The following SPATA7 variants were observed in gnomAD, a reference collection of about 807,000 sequenced individuals.
The protein encoded by SPATA7 is spermatogenesis-associated protein 7.
In SPATA7, 43 loss-of-function variants were observed where a neutral mutation model predicts 51.8. The observed-to-expected ratio is 0.83, with a 90% CI of 0.65 to 1.07. The LOEUF (loss-of-function observed/expected upper bound fraction) is 1.07. SPATA7 is among the 50% of genes least tolerant of loss of function. The probability of loss-of-function intolerance (pLI) is 0.00; values close to 1 mark genes in which losing one functional copy is unlikely to be tolerated. For missense variants in SPATA7, 683 were observed against 701.3 expected (o/e 0.97, Z 0.30); for synonymous variants, 230 against 252.8 (o/e 0.91, Z 0.86).
chr14:88,405,825 G>C (rs890174708), intron 4 of SPATA7, among the ~76,000 whole-genome samples: 8 of 152,326 alleles, frequency 5.3e-5, no homozygotes, highest in African/African-American at 1.7e-4. Context: ...TCAGGATAGA[G>C]CTAAAAATGT....
At chr14:88,408,789 C>A (rs192785471) in intron 4 of SPATA7, among the ~76,000 whole-genome samples, 1 of 152,194 alleles carries the variant, frequency 6.6e-6, no homozygotes, top group East Asian at 1.9e-4. Context: ...TCTATCAACA[C>A]CTAGTTTATT....
At chr14:88,399,985 T>C (rs896189406) in intron 4 of SPATA7, among the ~76,000 whole-genome samples, 2 of 152,136 alleles carry the variant, frequency 1.3e-5, no homozygotes, top group African/African-American at 4.8e-5. Flanking sequence ...CCAAAGGAAT[T>C]TAACAGATAT....
At chr14:88,413,979 C>T (rs532054971) in intron 4 of SPATA7, among the ~76,000 whole-genome samples, 2 of 151,994 alleles carry the variant, frequency 1.3e-5, no homozygotes, top group African/African-American at 4.8e-5. Flanking sequence ...ATTTTTGTGT[C>T]TATGTTAATC....
At chr14:88,461,993 A>G (rs532052679) in intron 4 of SPATA7, among the ~76,000 whole-genome samples, 2 of 152,308 alleles carry the variant, frequency 1.3e-5, no homozygotes, top group South Asian at 2.1e-4. Context: ...AGTTTTTTCA[A>G]CCTGTTTGTT....
chr14:88,459,191 ATATTCTGTTGATT>A (rs576461605), downstream of SPATA7, among the ~76,000 whole-genome samples: 1 of 152,304 alleles, frequency 6.6e-6, no homozygotes, highest in East Asian at 1.9e-4. Context: ...AGAAGAATGT[ATATTCTGTTGATT>A]TGTGGTGGAG....
rs567477324 is a variant in SPATA7 at position 88,409,396 on chromosome 14, T to A, written c.239-7315T>A. 6.6e-4 allele frequency among the ~76,000 whole-genome samples: 101 copies of A among 152,328 alleles called. 1 individual carries two copies. The highest frequency in any genetic ancestry group is 2.4e-3 in the African/African-American group (98 of 41,584). ...TATTTGCATAGAGGTGTTTATAGTA[T>A]TCTCTGGTGGTAGTTTGTATTTCTG... On this transcript the variant is annotated intron_variant, in intron 4 of 11. Transcript: ENST00000393545.
In SPATA7 at chr14:88,438,390, A is replaced by C; in HGVS notation, c.1768A>C (p.Met590Leu). ...GTTATCAACTCTTAAAATCATGGAA[A>C]TGAGCATTGAGGACTGCCCTTTGGA... ...MELSTLKIMEMSIEDCPLDV is the reference protein window; with the variant it reads ...MELSTLKIMELSIEDCPLDV Residue 590 changes from methionine (M) to leucine (L), a missense_variant, in exon 12 of 12, where the codon ATG becomes CTG. Met to Leu is a conservative substitution (Grantham distance 15, BLOSUM62 2). Coordinates refer to ENST00000393545, the MANE Select transcript of SPATA7 (RefSeq NM_018418.5). The C allele has an allele frequency of 6.2e-7, 1 of 1,614,050 alleles. No individual in the cohort carries two copies. The highest frequency in any genetic ancestry group is 8.5e-7 in the Non-Finnish European group (1 of 1,179,992).
At chr14:88,445,736 G>C (rs2140041595) in intron 3 of SPATA7, among the ~76,000 whole-genome samples, 1 of 152,308 alleles carries the variant, frequency 6.6e-6, no homozygotes, top group East Asian at 1.9e-4. Context: ...TGCATCTATT[G>C]AGATAATCAT....
In SPATA7 at chr14:88,451,951, C is replaced by T. The variant is rs2077254442; in HGVS notation, c.178-3109C>T. On this transcript the variant is annotated intron_variant, in intron 3 of 3. Coordinates refer to the SPATA7 transcript ENST00000554802. ...TTAGAGATTTTGTCTTGGTTTGGAT[C>T]CACTGTTGGTGAGCTAGTGTGATCT... 2.0e-5 allele frequency among the ~76,000 whole-genome samples: 3 copies of T among 152,086 alleles called. No individual in the cohort carries two copies. The South Asian group carries it at 6.2e-4, about 32-fold the overall frequency.
chr14:88,389,484 C>T (rs1027804030), intron 1 of SPATA7, among the ~76,000 whole-genome samples: 1 of 152,150 alleles, frequency 6.6e-6, no homozygotes, highest in Non-Finnish European at 1.5e-5. Context: ...GGATTACAAG[C>T]ACGAGCCATT....
At chr14:88,433,001 C>G in intron 9 of SPATA7, 134 bp from the exon 10 acceptor site, 1 of 664,214 alleles carries the variant, frequency 1.5e-6, no homozygotes, top group South Asian at 1.9e-5. Context: ...TGTAATATTC[C>G]CCTTAGTAAT....
downstream of SPATA7, among the ~76,000 whole-genome samples, chr14:88,441,627 A>G (rs2077179327): frequency 6.6e-6 from 1 of 151,986 alleles, no homozygotes; most frequent in South Asian, 2.1e-4. Context: ...TCATATGTTT[A>G]TTGGCTATTT....
intron 4 of SPATA7, among the ~76,000 whole-genome samples, chr14:88,405,275 T>G (rs906012589): frequency 6.6e-6 from 1 of 152,156 alleles, no homozygotes; most frequent in Non-Finnish European, 1.5e-5. Context: ...ATGCAGAGAA[T>G]AAAAGGCAGT....
chr14:88,398,682 T>C (rs73321824), intron 4 of SPATA7, among the ~76,000 whole-genome samples: 5,359 of 152,184 alleles, frequency 0.035, 308 homozygotes, highest in African/African-American at 0.12. Flanking sequence ...ATTTTAAGTT[T>C]AGTGTTTTCT....
chr14:88,389,098 A>G (rs768078075), intron 1 of SPATA7, among the ~76,000 whole-genome samples: 6 of 152,160 alleles, frequency 3.9e-5, no homozygotes, highest in Non-Finnish European at 8.8e-5. Context: ...CAAAAAAACA[A>G]AAACAAAAAA....
At chr14:88,395,700 C>G (rs567910337) in intron 3 of SPATA7, among the ~76,000 whole-genome samples, 14 of 151,906 alleles carry the variant, frequency 9.2e-5, no homozygotes, top group Non-Finnish European at 1.9e-4. Context: ...TTTAATTGTC[C>G]TAGTACTTTT....
At chr14:88,464,852 A>G (rs1391475526) in intron 4 of SPATA7, among the ~76,000 whole-genome samples, 2 of 152,214 alleles carry the variant, frequency 1.3e-5, no homozygotes, top group Non-Finnish European at 2.9e-5. Flanking sequence ...TACTGTACAT[A>G]GTTGTATATT....
At chr14:88,451,876 C>T (rs996073249) in intron 3 of SPATA7, among the ~76,000 whole-genome samples, 5 of 152,072 alleles carry the variant, frequency 3.3e-5, no homozygotes, top group African/African-American at 9.7e-5. Flanking sequence ...TCTCTGGTGC[C>T]TCCTTGATTG....
At chr14:88,405,670 C>A (rs1301040346) in intron 4 of SPATA7, among the ~76,000 whole-genome samples, 2 of 152,096 alleles carry the variant, frequency 1.3e-5, no homozygotes, top group Admixed American at 1.3e-4. Context: ...CTGAAGTGAG[C>A]AATACCATAG....
Sources: allele counts gnomAD v4.1 joint callset (sites outside exome capture counted in the v4.1 genomes callset), GRCh38; gene constraint gnomAD v4.1.1; transcripts MANE v1.5; gene names NCBI Gene and HGNC (gene_info 2026-07-23, HGNC 2026-07-21).